Variants in LHX6 observed in about 807,000 individuals in gnomAD.
LHX6 encodes LIM homeobox 6.
LHX6 carries 15 observed loss-of-function variants against 47.1 expected under a neutral mutation model. The observed-to-expected ratio is 0.32, with a 90% CI of 0.21 to 0.49. LHX6 has a LOEUF of 0.49. LHX6 is among the 20% of genes least tolerant of loss of function. The pLI, the probability that LHX6 is intolerant of heterozygous loss-of-function variation, is 0.99. For missense variants in LHX6, 404 were observed against 539.6 expected, an observed-to-expected ratio of 0.75 and a Z score of 2.49; for synonymous variants, 242 against 233.5, an observed-to-expected ratio of 1.04 and a Z score of -0.33.
intron 4 of LHX6, among the ~76,000 whole-genome samples, chr9:122,219,042 C>G (rs186580920): frequency 6.6e-6 from 1 of 152,292 alleles, no homozygotes; most frequent in East Asian, 1.9e-4. Flanking sequence ...GTCCCCAGGG[C>G]GGGCACCCCT....
At position 122,214,979 on chromosome 9, in the gene LHX6, G is replaced by C. The variant is rs1009390959; in HGVS notation, c.683-596C>G. On this transcript the variant is annotated intron_variant, in intron 5 of 9. Transcript: ENST00000394319. The surrounding 1 kb of genome is among the most constrained non-coding windows in gnomAD (Gnocchi z 4.6). ...TCATATGTTGCCTTACTTCTGTAAG[G>C]TTTAATTTTGTTAACCGGCGTATAT... is the stretch of plus-strand genomic sequence containing the variant. 3.3e-5 allele frequency among the ~76,000 whole-genome samples: 5 copies of C among 152,106 alleles called. No homozygotes were observed. Among genetic ancestry groups the C allele is most frequent in the African/African-American group, 1.2e-4 (5 of 41,408 alleles).
chr9:122,222,819 G>C (rs908912571), intron 4 of LHX6, among the ~76,000 whole-genome samples: 4 of 152,178 alleles, frequency 2.6e-5, no homozygotes, highest in Admixed American at 1.3e-4. Context: ...AGGACCATGG[G>C]ATCTCCATGC....
chr9:122,208,759 C>T (rs940320191), intron 9 of LHX6, among the ~76,000 whole-genome samples: 1 of 150,372 alleles, frequency 6.7e-6, no homozygotes, highest in Non-Finnish European at 1.5e-5. Context: ...CACCTGAACC[C>T]AGGAGGTGGA....
At chr9:122,205,529 G>A (rs1424361162) in intron 9 of LHX6, among the ~76,000 whole-genome samples, 2 of 152,214 alleles carry the variant, frequency 1.3e-5, no homozygotes, top group Non-Finnish European at 2.9e-5. Context: ...AGGATCACTG[G>A]CTGGCTGGTC....
intron 4 of LHX6, chr9:122,221,682 C>T (rs970306780): frequency 4.1e-6 from 4 of 985,552 alleles, no homozygotes; most frequent in Non-Finnish European, 4.8e-6. Flanking sequence ...GCTCCATTCA[C>T]AGGCCTCTGA....
chr9:122,214,092 A>G lies in LHX6; in HGVS notation c.784-23T>C. 1 of 1,587,188 alleles carries G rather than the reference A, an allele frequency of 6.3e-7. No homozygotes were observed. Among genetic ancestry groups the G allele is most frequent in the Non-Finnish European group, 8.5e-7 (1 of 1,171,434 alleles). ...AACCTGCGGGGCGGGGAGGGCGGTGAGGCGCTCGCACGCAGAGACTCCGAG... is the reference window on the plus strand; with the variant it reads ...AACCTGCGGGGCGGGGAGGGCGGTGGGGCGCTCGCACGCAGAGACTCCGAG... On this transcript the variant is annotated intron_variant, in intron 6 of 9. Coordinates refer to ENST00000394319, the MANE Select transcript of LHX6 (RefSeq NM_014368.5). The surrounding 1 kb of genome is among the most constrained non-coding windows in gnomAD (Gnocchi z 4.6).
chr9:122,207,744 C>A (rs1830238850), intron 9 of LHX6, among the ~76,000 whole-genome samples: 1 of 152,150 alleles, frequency 6.6e-6, no homozygotes, highest in South Asian at 2.1e-4. Context: ...GTGTACTGAG[C>A]TCAATCAGGA....
chr9:122,221,430 G>C, intron 4 of LHX6: 2 of 985,570 alleles, frequency 2.0e-6, no homozygotes, highest in Non-Finnish European at 2.4e-6. Flanking sequence ...TGCGGGAGGG[G>C]GTAGGCTTCT....
At chr9:122,222,654 T>C (rs557968221) in intron 4 of LHX6, among the ~76,000 whole-genome samples, 2 of 152,340 alleles carry the variant, frequency 1.3e-5, no homozygotes, top group Admixed American at 1.3e-4. Context: ...CCTGGTGAAC[T>C]TGGAGTTCCT....
chr9:122,217,443 C>T lies in LHX6; in HGVS notation c.462-155G>A, dbSNP rs1156996269. On this transcript the variant is annotated intron_variant, in intron 4 of 9. Transcript: ENST00000394319. This position sits in a 1 kb window ranked among gnomAD's most constrained non-coding sequence, Gnocchi z 4.9. ...GCTTGGACGCAACAACACTCTACAC[C>T]TAGTCCCACCTAGGAGATGAACTGG... 2.6e-5 allele frequency among the ~76,000 whole-genome samples: 4 copies of T among 152,264 alleles called. No individual in the cohort carries two copies. The highest frequency in any genetic ancestry group is 4.4e-5 in the Non-Finnish European group (3 of 68,052).
At chr9:122,228,543 G>A (rs933285732) in intron 1 of LHX6, 114 bp downstream of exon 1, 689 of 1,274,248 alleles carry the variant, frequency 5.4e-4, no homozygotes, top group Non-Finnish European at 6.5e-4. Flanking sequence ...ACTCACAGGC[G>A]CACCCTCGTA....
At chr9:122,227,617 A>G in intron 1 of LHX6, 137 bp from the exon 2 acceptor site, 1 of 1,360,882 alleles carries the variant, frequency 7.3e-7, no homozygotes, top group East Asian at 3.1e-5. Context: ...TGGGCATTTA[A>G]AGCCCTTCCC....
chr9:122,216,620 G>C (rs965887642), intron 5 of LHX6, among the ~76,000 whole-genome samples: 1 of 152,184 alleles, frequency 6.6e-6, no homozygotes, highest in Admixed American at 6.5e-5. Context: ...GATAGGAAAT[G>C]GGAGAATGGG....
intron 1 of LHX6, chr9:122,227,951 C>CAA: frequency 6.1e-6 from 1 of 163,104 alleles, no homozygotes. Context: ...TTTCTCTCTC[C>CAA]ACCCGCCCCC....
Position 122,214,131 on chromosome 9 carries a change from C to A in LHX6, c.784-62G>T. On this transcript the variant is annotated intron_variant, in intron 6 of 9. Transcript: ENST00000394319. The surrounding 1 kb of genome is among the most constrained non-coding windows in gnomAD (Gnocchi z 4.6). ...AGAGACTCCGAGACCCCGGCCCAAT[C>A]AGCGGCGCCAGTCCACAGGCCACGC... 2 of 1,497,630 alleles carry A rather than the reference C, an allele frequency of 1.3e-6. No individual in the cohort carries two copies. Among genetic ancestry groups the A allele is most frequent in the South Asian group, 1.2e-5 (1 of 85,018 alleles). 92.8% of individuals were successfully genotyped at this position (1,497,630 alleles called of 1,614,324 possible).
intron 4 of LHX6, among the ~76,000 whole-genome samples, chr9:122,223,366 T>C (rs1428118692): frequency 1.3e-5 from 2 of 152,196 alleles, no homozygotes; most frequent in East Asian, 3.8e-4. Context: ...AGCCCAGAAA[T>C]GGCCCAGTCC....
At chr9:122,212,511 C>T (rs1362391167) in intron 8 of LHX6, among the ~76,000 whole-genome samples, 1 of 152,194 alleles carries the variant, frequency 6.6e-6, no homozygotes, top group Non-Finnish European at 1.5e-5. Context: ...GTGTGCATCG[C>T]AGTCATTTAC....
rs753416011 is a variant in LHX6 at position 122,226,916 on chromosome 9, C to T, written c.271G>A (p.Val91Met). ...VCSPPSAASS[V>M]PSAGKNICSS... ...CAGATGTTCTTGCCTGCAGACGGCACGGAGGAGGCGGCAGAGGGCGGTGAG... is the reference window on the plus strand; with the variant it reads ...CAGATGTTCTTGCCTGCAGACGGCATGGAGGAGGCGGCAGAGGGCGGTGAG... The change falls in exon 3 of 10, where the codon GTG becomes ATG. Residue 91 changes from valine (V) to methionine (M), a missense_variant. Physicochemically the swap from Val to Met is conservative, Grantham distance 21. Around this residue, in one of 7 missense-constraint regions of LHX6, gnomAD observed 144 missense variants for 128.7 expected, o/e 1.12. Transcript: ENST00000394319. This position sits in a 1 kb window ranked among gnomAD's most constrained non-coding sequence, Gnocchi z 6.5. 1.3e-6 allele frequency: 2 copies of T among 1,562,178 alleles called. No homozygotes were observed. Among genetic ancestry groups the T allele is most frequent in the Non-Finnish European group, 1.7e-6 (2 of 1,153,252 alleles).
intron 4 of LHX6, among the ~76,000 whole-genome samples, chr9:122,220,782 G>A (rs923657999): frequency 6.6e-6 from 1 of 152,202 alleles, no homozygotes; most frequent in Non-Finnish European, 1.5e-5. Context: ...GCACCGCAGT[G>A]CCCTCTACCC....
Sources: gnomAD v4.1 joint callset for allele counts (sites outside exome capture counted in the v4.1 genomes callset) on GRCh38, gnomAD v4.1.1 for gene constraint, gnomAD v4.1.1 regional missense constraint, Gnocchi (gnomAD v3.1) non-coding constraint, MANE v1.5 for transcripts, NCBI Gene and HGNC (gene_info 2026-07-23, HGNC 2026-07-21) for gene names.